Variants in STAT4 observed in about 807,000 individuals in gnomAD.
STAT4 encodes signal transducer and activator of transcription 4.
STAT4 carries 42 observed loss-of-function variants against 110.5 expected under a neutral mutation model. The ratio of observed to expected loss-of-function variants is 0.38; its 90% CI spans 0.30 to 0.49. STAT4 has a LOEUF of 0.49. STAT4 is among the 20% of genes least tolerant of loss of function. The pLI, the probability that STAT4 is intolerant of heterozygous loss-of-function variation, is 0.95. For synonymous variants in STAT4, 284 were observed against 302.2 expected (o/e 0.94, Z 0.63); for missense variants, 632 against 887.9 (o/e 0.71, Z 3.66).
In STAT4 at chr2:191,107,997, T is replaced by C. The variant is rs181898936; in HGVS notation, c.274-31672A>G. On this transcript the variant is annotated intron_variant, in intron 3 of 23. Transcript: ENST00000392320. The surrounding 1 kb of genome is among the most constrained non-coding windows in gnomAD (Gnocchi z 4.2). The stretch of plus-strand genomic sequence containing the variant: ...GCACACCAAGAATGAAAGAAAGACA[T>C]TATCCATTGTTGGCCGGGTGCGGGG... Among the ~76,000 whole-genome samples the C allele has an allele frequency of 1.3e-3, 196 of 152,200 alleles. 6 individuals carry two copies. In the East Asian group the frequency reaches 0.027, roughly 21 times the overall value.
At chr2:191,105,826 CAGTT>C (rs1698263194) in intron 3 of STAT4, among the ~76,000 whole-genome samples, 1 of 152,160 alleles carries the variant, frequency 6.6e-6, no homozygotes, top group Non-Finnish European at 1.5e-5. Context: ...CTGTCATGGA[CAGTT>C]AGGTAGTTCC....
Position 191,032,578 on chromosome 2 carries a change from C to A in STAT4, c.2044+380G>T, listed in dbSNP as rs1436882777. ...CTGGGGTTCCTTTGCAATATACAGA[C>A]TTGTTTTACTATTAAAAGCTTCTCA... On this transcript the variant is annotated intron_variant, in intron 21 of 23. Coordinates refer to ENST00000392320, the MANE Select transcript of STAT4 (RefSeq NM_003151.4). This position sits in a 1 kb window ranked among gnomAD's most constrained non-coding sequence, Gnocchi z 4.9. Among the ~76,000 whole-genome samples, 1 of 152,148 alleles carries A rather than the reference C, an allele frequency of 6.6e-6. No individual in the cohort carries two copies. The highest frequency in any genetic ancestry group is 1.5e-5 in the Non-Finnish European group (1 of 68,018).
Position 191,090,385 on chromosome 2 carries a change from C to T in STAT4, c.274-14060G>A, listed in dbSNP as rs964115877. On this transcript the variant is annotated intron_variant, in intron 3 of 23. Coordinates refer to ENST00000392320, the MANE Select transcript of STAT4 (RefSeq NM_003151.4). The surrounding 1 kb of genome is among the most constrained non-coding windows in gnomAD (Gnocchi z 4.2). ...AGTTAGCTTTAAATTCTCTCATCGTCGCAAAGGTTTTCTTGATAAAAGAAA... is the reference window on the plus strand; with the variant it reads ...AGTTAGCTTTAAATTCTCTCATCGTTGCAAAGGTTTTCTTGATAAAAGAAA... 4.6e-5 allele frequency among the ~76,000 whole-genome samples: 7 copies of T among 151,886 alleles called. No homozygotes were observed. The South Asian group carries it at 8.3e-4, about 18-fold the overall frequency.
Position 191,112,381 on chromosome 2 carries a change from C to A in STAT4, c.273+34232G>T, listed in dbSNP as rs1423899429. 2.0e-5 allele frequency among the ~76,000 whole-genome samples: 3 copies of A among 152,146 alleles called. No individual in the cohort carries two copies. Among genetic ancestry groups the A allele is most frequent in the Non-Finnish European group, 2.9e-5 (2 of 68,022 alleles). On this transcript the variant is annotated intron_variant, in intron 3 of 23. Transcript: ENST00000392320. This position sits in a 1 kb window ranked among gnomAD's most constrained non-coding sequence, Gnocchi z 4.3. ...AAAATGGAAGAAATAACATTACATA[C>A]CTGCCAGGACTGTTGTGAGGATATA...
intron 3 of STAT4, among the ~76,000 whole-genome samples, chr2:191,100,618 C>A (rs12463658): frequency 0.48 from 72,591 of 151,914 alleles, 19,563 homozygotes; most frequent in Non-Finnish European, 0.59. Context: ...ACTATTTCTA[C>A]CTCCAGCTTC....
intron 3 of STAT4, among the ~76,000 whole-genome samples, chr2:191,123,774 T>A (rs1453655570): frequency 6.6e-6 from 1 of 152,230 alleles, no homozygotes; most frequent in East Asian, 1.9e-4. Context: ...CTTAGCTGGC[T>A]GGGAGCAGGG....
intron 3 of STAT4, among the ~76,000 whole-genome samples, chr2:191,126,994 A>G (rs1468793424): frequency 1.3e-5 from 2 of 151,864 alleles, no homozygotes; most frequent in East Asian, 3.9e-4. Flanking sequence ...TAATTTTTTA[A>G]TCTTTTTTGT....
In STAT4 at chr2:191,033,518, A is replaced by G; in HGVS notation, c.1824T>C (p.Thr608=). 1 of 1,614,088 alleles carries G rather than the reference A, an allele frequency of 6.2e-7. No homozygotes were observed. The highest frequency in any genetic ancestry group is 8.5e-7 in the Non-Finnish European group (1 of 1,180,006). Residue 608 remains threonine, a synonymous_variant, in exon 20 of 24, where the codon ACT becomes ACC. Coordinates refer to ENST00000392320, the MANE Select transcript of STAT4 (RefSeq NM_003151.4). The surrounding 1 kb of genome is among the most constrained non-coding windows in gnomAD (Gnocchi z 6.9). ...RFSESHLGGI[T]FTWVDHSESG... ...TTTCAGAATGGTCCACCCAGGTGAA[A>G]GTTATTCCTCCGAGATGGCTTTCAC...
intron 3 of STAT4, chr2:191,131,850 G>A: frequency 1.4e-6 from 2 of 1,456,482 alleles, no homozygotes; most frequent in South Asian, 1.5e-5. Context: ...TTTGAATGCA[G>A]GTTTCTCCAT....
At chr2:191,128,488 T>C (rs192043451) in intron 3 of STAT4, among the ~76,000 whole-genome samples, 3 of 152,352 alleles carry the variant, frequency 2.0e-5, no homozygotes, top group Non-Finnish European at 4.4e-5. Context: ...GTGTTTCTAA[T>C]GCTTTACCTT....
Position 191,031,217 on chromosome 2 carries a change from C to T in STAT4, c.2112-137G>A. 1 of 974,584 alleles carries T rather than the reference C, an allele frequency of 1.0e-6. No individual in the cohort carries two copies. 60.4% of individuals were successfully genotyped at this position (974,584 alleles called of 1,614,324 possible). On this transcript the variant is annotated intron_variant, in intron 22 of 23. Coordinates refer to ENST00000392320, the MANE Select transcript of STAT4 (RefSeq NM_003151.4). The surrounding 1 kb of genome is among the most constrained non-coding windows in gnomAD (Gnocchi z 4.8). The stretch of plus-strand genomic sequence containing the variant: ...AGTTATCTAATTCATCATTTCATAT[C>T]AGAACACTCAACTTACTGTGGCATA...
At chr2:191,123,681 T>C (rs1300333148) in intron 3 of STAT4, among the ~76,000 whole-genome samples, 5 of 152,204 alleles carry the variant, frequency 3.3e-5, no homozygotes, top group Non-Finnish European at 7.3e-5. Flanking sequence ...ACAAAACCTA[T>C]TAGGTAATAA....
intron 1 of STAT4, 135 bp from the exon 2 acceptor site, chr2:191,148,339 G>GT (rs1006890695): frequency 8.2e-5 from 95 of 1,151,614 alleles, no homozygotes; most frequent in African/African-American, 1.4e-4. Flanking sequence ...TTTCACTAAG[G>GT]TTTTTTTTCA....
At chr2:191,102,632 T>C (rs541358990) in intron 3 of STAT4, among the ~76,000 whole-genome samples, 2 of 152,140 alleles carry the variant, frequency 1.3e-5, no homozygotes, top group Admixed American at 6.6e-5. Context: ...CAATTCACAA[T>C]GAATGCATGA....
At chr2:191,057,015 T>G (rs1310076898) in intron 13 of STAT4, among the ~76,000 whole-genome samples, 1 of 152,164 alleles carries the variant, frequency 6.6e-6, no homozygotes, top group Non-Finnish European at 1.5e-5. Flanking sequence ...ATTCCTGACC[T>G]CAGGTGATCT....
At chr2:191,127,365 T>A (rs1318046184) in intron 3 of STAT4, among the ~76,000 whole-genome samples, 1 of 152,250 alleles carries the variant, frequency 6.6e-6, no homozygotes, top group Non-Finnish European at 1.5e-5. Flanking sequence ...TTGCTCTTGC[T>A]GTACCAGATA....
intron 14 of STAT4, among the ~76,000 whole-genome samples, chr2:191,052,151 A>T (rs1696542964): frequency 6.6e-6 from 1 of 152,102 alleles, no homozygotes; most frequent in African/African-American, 2.4e-5. Context: ...ACTTCACTTT[A>T]TTGCCCGTTC....
chr2:191,124,531 T>G (rs951423081), intron 3 of STAT4, among the ~76,000 whole-genome samples: 1 of 151,336 alleles, frequency 6.6e-6, no homozygotes, highest in Admixed American at 6.6e-5. Context: ...AAAACAAAGA[T>G]GAATGCACTC....
In STAT4 at chr2:191,131,944, G is replaced by A. The variant is rs59976218; in HGVS notation, c.273+14669C>T. 2,345 of 1,308,878 alleles carry A rather than the reference G, an allele frequency of 1.8e-3. 44 individuals carry two copies. In the South Asian group the frequency reaches 0.027, roughly 15 times the overall value. 81.1% of individuals were successfully genotyped at this position (1,308,878 alleles called of 1,614,324 possible). A position where few individuals can be genotyped will look rare whatever the true frequency, so the allele number is the denominator to read the frequency against. The stretch of plus-strand genomic sequence containing the variant: ...CTGTTTATTCTCTACACTTGTGGAG[G>A]TGTGTGTTATCTAGATTTACAACTA... On this transcript the variant is annotated intron_variant, in intron 3 of 23. Transcript: ENST00000392320.
Sources: allele counts gnomAD v4.1 joint callset (sites outside exome capture counted in the v4.1 genomes callset), GRCh38; gene constraint gnomAD v4.1.1; non-coding constraint Gnocchi (gnomAD v3.1); transcripts MANE v1.5; gene names NCBI Gene and HGNC (gene_info 2026-07-23, HGNC 2026-07-21).